Variants in ITGA7 observed in about 807,000 individuals in gnomAD.
The protein encoded by ITGA7 is integrin subunit alpha 7.
Under a neutral mutation model 131.6 loss-of-function variants are expected in ITGA7, and 84 were observed. The observed-to-expected ratio is 0.64, with a 90% CI of 0.54 to 0.77. The LOEUF (loss-of-function observed/expected upper bound fraction) is 0.77. Among genes scored for constraint, ITGA7 ranks in the 30% least tolerant of loss-of-function variants. The probability of loss-of-function intolerance (pLI) is 0.00; values close to 1 mark genes in which losing one functional copy is unlikely to be tolerated. For synonymous variants in ITGA7, 548 were observed against 600.7 expected (o/e 0.91, Z 1.28); for missense variants, 1,399 against 1,482.9 (o/e 0.94, Z 0.93).
Position 55,707,824 on chromosome 12 carries a change from T to TG in ITGA7, c.-143_-142insC. The TG allele has an allele frequency of 1.5e-6, 1 of 654,502 alleles. No individual in the cohort carries two copies. The highest frequency in any genetic ancestry group is 2.3e-6 in the Non-Finnish European group (1 of 428,070). The allele number at this position is 654,502 out of a possible 1,614,324, so 40.5% of individuals were successfully genotyped here. On this transcript the variant is annotated 5_prime_UTR_variant, in exon 1 of 25. Transcript: ENST00000257879. ...TCCCAGACGTTCGCCCCGCCAGCCC[T>TG]CCCGCCCGCCCGCCGCTCCGCCACC... is the stretch of plus-strand genomic sequence containing the variant.
At chr12:55,710,874 G>C (rs1348062131), upstream of ITGA7, among the ~76,000 whole-genome samples, 2 of 152,154 alleles carry the variant, frequency 1.3e-5, no homozygotes, top group African/African-American at 2.4e-5. Context: ...GGATGGAGGG[G>C]GGTGGGGACA....
At position 55,687,990 on chromosome 12, in the gene ITGA7, A is replaced by G. The variant is rs1475696692; in HGVS notation, c.3164T>C (p.Leu1055Pro). The G allele has an allele frequency of 6.2e-7, 1 of 1,614,178 alleles. No individual in the cohort carries two copies. The highest frequency in any genetic ancestry group is 8.5e-7 in the Non-Finnish European group (1 of 1,180,016). The change falls in exon 24 of 25, where the codon CTG (leucine) becomes CCG (proline). Residue 1055 changes from leucine to proline, a missense_variant. Physicochemically the swap from Leu to Pro is moderately conservative, Grantham distance 98 (BLOSUM62 -3). Coordinates refer to ENST00000257879, the MANE Select transcript of ITGA7 (RefSeq NM_002206.3). The part of the protein sequence containing the change: ...VLAGLLVLAL[L>P]VLLLWKMGFF... ...CCTCACCTTCCACAGGAGCAGCACCAGCAGTGCTAGCACCAGCAGCCCAGC... is the reference window on the plus strand; with the variant it reads ...CCTCACCTTCCACAGGAGCAGCACCGGCAGTGCTAGCACCAGCAGCCCAGC...
rs1256442737 is a variant in ITGA7 at position 55,694,376 on chromosome 12, T to A, written c.2358-46A>T. On this transcript the variant is annotated intron_variant, in intron 17 of 24. Transcript: ENST00000257879. This position sits in a 1 kb window ranked among gnomAD's most constrained non-coding sequence, Gnocchi z 5.3. ...AGTATGGGCATCAGGCACAGGCACC[T>A]CCCAAGGGGTCAGATGAGGTCAATA... The A allele has an allele frequency of 6.2e-7, 1 of 1,612,894 alleles. No individual in the cohort carries two copies. Among genetic ancestry groups the A allele is most frequent in the Non-Finnish European group, 8.5e-7 (1 of 1,179,282 alleles).
At chr12:55,706,633 C>T (rs1875251305) in intron 1 of ITGA7, among the ~76,000 whole-genome samples, 1 of 145,692 alleles carries the variant, frequency 6.9e-6, no homozygotes, top group Admixed American at 6.7e-5. Flanking sequence ...GTCACAGGCC[C>T]CTCACAAAAG....
rs774834048 is a variant in ITGA7, at chr12:55,688,183, C to T, written c.3057+19G>A. Reference sequence around the variant, plus strand: ...AAGAAGAGAGTCCTCCCCACCTATCCCCCAACCCTGCAGCTCACCACTGTG... The same window carrying T: ...AAGAAGAGAGTCCTCCCCACCTATCTCCCAACCCTGCAGCTCACCACTGTG... On this transcript the variant is annotated intron_variant, in intron 23 of 24. Transcript: ENST00000257879. 28 of 1,613,596 alleles carry T rather than the reference C, an allele frequency of 1.7e-5. No homozygotes were observed. Among genetic ancestry groups the T allele is most frequent in the South Asian group, 9.9e-5 (9 of 91,066 alleles).
Position 55,693,125 on chromosome 12 carries a change from C to T in ITGA7, c.2712+16G>A. On this transcript the variant is annotated intron_variant, in intron 20 of 24. Coordinates refer to ENST00000257879, the MANE Select transcript of ITGA7 (RefSeq NM_002206.3). ...TCTGTCCCCACATCTAACCCCCACC[C>T]CCACCTAAGCCTCACCAGGTGGAGG... 2 of 1,613,086 alleles carry T rather than the reference C, an allele frequency of 1.2e-6. No homozygotes were observed. Among genetic ancestry groups the T allele is most frequent in the Non-Finnish European group, 1.7e-6 (2 of 1,179,100 alleles).
chr12:55,707,437 G>T, intron 1 of ITGA7, 40 bp downstream of exon 1: 1 of 1,532,202 alleles, frequency 6.5e-7, no homozygotes, highest in Admixed American at 1.7e-5. Context: ...GACGATCTGT[G>T]GCTCGGGCAT....
At chr12:55,698,202 C>A in intron 7 of ITGA7, 176 bp from the exon 8 acceptor site, 3 of 832,004 alleles carry the variant, frequency 3.6e-6, no homozygotes, top group Admixed American at 2.5e-5. Context: ...GCAGATATTA[C>A]TAACGCAAAA....
intron 5 of ITGA7, among the ~76,000 whole-genome samples, chr12:55,699,303 AG>A: frequency 6.6e-6 from 1 of 152,284 alleles, no homozygotes; most frequent in East Asian, 1.9e-4. Flanking sequence ...GGGAGCTAGA[AG>A]AGCTAGAGGT....
Position 55,694,707 on chromosome 12 carries a change from G to C in ITGA7, c.2197-12C>G. 1 of 1,614,114 alleles carries C rather than the reference G, an allele frequency of 6.2e-7. No individual in the cohort carries two copies. The highest frequency in any genetic ancestry group is 1.6e-4 in the Middle Eastern group (1 of 6,062). On this transcript the variant is annotated splice_polypyrimidine_tract_variant and intron_variant, in intron 15 of 24. Transcript: ENST00000257879. The surrounding 1 kb of genome is among the most constrained non-coding windows in gnomAD (Gnocchi z 5.3). ...CAGAGTGGCTTCTCCTGGAATGGGA[G>C]AGAAGGCAAGGTCAGTCTGGGTTAC...
chr12:55,693,408 C>G, intron 19 of ITGA7, 91 bp from the exon 20 acceptor site: 1 of 1,179,674 alleles, frequency 8.5e-7, no homozygotes, highest in South Asian at 1.4e-5. Flanking sequence ...CTATGTTGCC[C>G]AGGCTTGTCT....
At chr12:55,691,703 G>A (rs1462857153) in intron 21 of ITGA7, among the ~76,000 whole-genome samples, 5 of 152,182 alleles carry the variant, frequency 3.3e-5, no homozygotes, top group African/African-American at 1.2e-4. Flanking sequence ...GTCACGTGGA[G>A]AAGGGAGGAT....
intron 8 of ITGA7, 41 bp from the exon 9 acceptor site, chr12:55,697,863 G>A (rs761285386): frequency 3.8e-5 from 61 of 1,613,762 alleles, no homozygotes; most frequent in Middle Eastern, 3.3e-4. Context: ...CCCACCTCCC[G>A]CAGGCCTCTG....
rs113231959 is a variant in ITGA7 at position 55,707,486 on chromosome 12, G to A, written c.197C>T (p.Pro66Leu). ...GGGTGCGGTGACTCACCAGCTCTGG[G>A]GTCGGGGCTGCAACTGCCGGTGCAG... is the stretch of plus-strand genomic sequence containing the variant. Reference protein sequence around the residue: ...VALHRQLQPRPQSWLLVGAPQ... With the variant: ...VALHRQLQPRLQSWLLVGAPQ... Residue 66 changes from proline (P) to leucine (L), a missense_variant, in exon 1 of 25, where the codon CCC becomes CTC. Pro to Leu is a moderately conservative substitution (Grantham distance 98). Transcript: ENST00000257879. The A allele has an allele frequency of 1.9e-6, 3 of 1,613,418 alleles. No homozygotes were observed. In the South Asian group the frequency reaches 3.3e-5, roughly 18 times the overall value.
intron 3 of ITGA7, chr12:55,701,401 C>G: frequency 6.4e-7 from 1 of 1,551,812 alleles, no homozygotes; most frequent in Non-Finnish European, 8.7e-7. Flanking sequence ...AAATGGAGAT[C>G]TCCTTGTTCC....
upstream of ITGA7, among the ~76,000 whole-genome samples, chr12:55,715,024 C>T (rs1876415735): frequency 1.3e-5 from 2 of 151,976 alleles, no homozygotes; most frequent in African/African-American, 4.8e-5. Context: ...CTACGCCTGG[C>T]TAAATTTTGT....
intron 12 of ITGA7, 94 bp from the exon 13 acceptor site, chr12:55,696,526 TG>T: frequency 7.3e-7 from 1 of 1,368,148 alleles, no homozygotes. Flanking sequence ...TTCTAAAACT[TG>T]GAAAGAATAT....
chr12:55,688,180 A>C, intron 23 of ITGA7, 22 bp downstream of exon 23: 2 of 1,613,536 alleles, frequency 1.2e-6, no homozygotes, highest in Admixed American at 1.7e-5. Context: ...CTCCCCACCT[A>C]TCCCCCAACC....
chr12:55,694,770 G>A lies in ITGA7; in HGVS notation c.2196+8C>T. The A allele has an allele frequency of 6.2e-7, 1 of 1,613,958 alleles. No individual in the cohort carries two copies. The highest frequency in any genetic ancestry group is 8.5e-7 in the Non-Finnish European group (1 of 1,179,940). Reference sequence around the variant, plus strand: ...AGACCCCACCCCATCCTGCCCCCAGGTCCTCACCGCAGGGTCCAGGGCCCG... The same window carrying A: ...AGACCCCACCCCATCCTGCCCCCAGATCCTCACCGCAGGGTCCAGGGCCCG... On this transcript the variant is annotated splice_region_variant and intron_variant, in intron 15 of 24. Transcript: ENST00000257879. The surrounding 1 kb of genome is among the most constrained non-coding windows in gnomAD (Gnocchi z 5.3).
Sources: gnomAD v4.1 joint callset for allele counts (sites outside exome capture counted in the v4.1 genomes callset) on GRCh38, gnomAD v4.1.1 for gene constraint, Gnocchi (gnomAD v3.1) non-coding constraint, MANE v1.5 for transcripts, NCBI Gene and HGNC (gene_info 2026-07-23, HGNC 2026-07-21) for gene names.